Variants in CEP63 observed in about 807,000 individuals in gnomAD.
CEP63 encodes centrosomal protein 63.
A neutral mutation model predicts 89.1 loss-of-function variants in CEP63; 84 were observed. The ratio of observed to expected loss-of-function variants is 0.94; its 90% CI spans 0.79 to 1.13. The LOEUF is 1.13. Among genes scored for constraint, CEP63 ranks in the 50% most tolerant of loss-of-function variants. The pLI, the probability that CEP63 is intolerant of heterozygous loss-of-function variation, is 0.00. For synonymous variants in CEP63, 267 were observed against 272.5 expected (o/e 0.98, Z 0.20); for missense variants, 838 against 813.3 (o/e 1.03, Z -0.37).
chr3:134,516,618 A>G (rs891968266), intron 3 of CEP63, among the ~76,000 whole-genome samples: 1 of 152,206 alleles, frequency 6.6e-6, no homozygotes, highest in African/African-American at 2.4e-5. Context: ...GTCCCTGGGT[A>G]CTTGAGATTA....
chr3:134,629,648 G>C, the CEP63 span: 1 of 1,601,988 alleles, frequency 6.2e-7, no homozygotes, highest in Non-Finnish European at 8.5e-7. Context: ...TTCTTGAGCA[G>C]CTGGGGCATG....
At chr3:134,643,915 C>T in the CEP63 span, among the ~76,000 whole-genome samples, 1 of 151,980 alleles carries the variant, frequency 6.6e-6, no homozygotes, top group Admixed American at 6.6e-5. Context: ...CAAGCTCCGC[C>T]TCCTGGGTTC....
chr3:134,709,654 T>C, the CEP63 span, among the ~76,000 whole-genome samples: 11 of 152,342 alleles, frequency 7.2e-5, no homozygotes, highest in African/African-American at 2.4e-4. Context: ...ACTTGTGCAG[T>C]GCAGCACTTG....
the CEP63 span, among the ~76,000 whole-genome samples, chr3:134,718,650 A>G: frequency 0.072 from 10,993 of 152,218 alleles, 718 homozygotes; most frequent in African/African-American, 0.18. Flanking sequence ...TAAACTCACC[A>G]ATCATTAGAT....
intron 2 of CEP63, among the ~76,000 whole-genome samples, chr3:134,496,732 T>C (rs1940194839): frequency 6.6e-6 from 1 of 152,256 alleles, no homozygotes; most frequent in Non-Finnish European, 1.5e-5. Context: ...ATCGGGTCCC[T>C]GTGGGCATGA....
At chr3:134,601,310 C>G in the CEP63 span, among the ~76,000 whole-genome samples, 2 of 152,122 alleles carry the variant, frequency 1.3e-5, no homozygotes, top group African/African-American at 2.4e-5. Context: ...GGGCCTCCCT[C>G]TCTGGTGCTG....
intron 2 of CEP63, 25 bp downstream of exon 2, chr3:134,495,389 A>AT (rs1939450491): frequency 4.0e-6 from 6 of 1,511,598 alleles, no homozygotes; most frequent in Admixed American, 1.7e-5. Context: ...TTTAAAATTA[A>AT]TTTTTTTGGT....
At chr3:134,755,717 C>A in the CEP63 span, 1 of 152,186 alleles carries the variant, frequency 6.6e-6, no homozygotes, top group Non-Finnish European at 1.5e-5. Flanking sequence ...AAGTCCCCTG[C>A]GTAGCCTGGA....
chr3:134,690,895 C>T, the CEP63 span, among the ~76,000 whole-genome samples: 1 of 151,924 alleles, frequency 6.6e-6, no homozygotes, highest in Non-Finnish European at 1.5e-5. Flanking sequence ...ATTACAGGCT[C>T]CCGCCACCAT....
downstream of CEP63, among the ~76,000 whole-genome samples, chr3:134,569,530 C>T (rs1560071722): frequency 6.6e-6 from 1 of 152,232 alleles, no homozygotes; most frequent in Non-Finnish European, 1.5e-5. Flanking sequence ...TGTCTCACAT[C>T]CAGGTCACGC....
At chr3:134,673,407 T>G in the CEP63 span, among the ~76,000 whole-genome samples, 1 of 151,816 alleles carries the variant, frequency 6.6e-6, no homozygotes, top group South Asian at 2.1e-4. Context: ...CCTTTTGGCC[T>G]CTCTTCCTTC....
At chr3:134,692,806 C>T in the CEP63 span, among the ~76,000 whole-genome samples, 1 of 152,314 alleles carries the variant, frequency 6.6e-6, no homozygotes, top group Admixed American at 6.5e-5. Flanking sequence ...ACTGACAGTC[C>T]TATGTCCTTA....
the CEP63 span, among the ~76,000 whole-genome samples, chr3:134,713,257 C>G: frequency 6.6e-6 from 1 of 152,120 alleles, no homozygotes; most frequent in Non-Finnish European, 1.5e-5. Context: ...ACTATGGAAC[C>G]CAGGGGGACA....
At chr3:134,522,906 T>G (rs925377878) in intron 3 of CEP63, among the ~76,000 whole-genome samples, 1 of 152,174 alleles carries the variant, frequency 6.6e-6, no homozygotes, top group Non-Finnish European at 1.5e-5. Context: ...TACATTTTTT[T>G]GGGTATATAC....
the CEP63 span, among the ~76,000 whole-genome samples, chr3:134,614,769 T>C: frequency 6.6e-6 from 1 of 152,200 alleles, no homozygotes; most frequent in Non-Finnish European, 1.5e-5. Flanking sequence ...CCATAGGAAC[T>C]GTATGATGCT....
chr3:134,604,165 G>A, the CEP63 span: 2 of 1,609,290 alleles, frequency 1.2e-6, no homozygotes, highest in Non-Finnish European at 1.7e-6. Context: ...GTCAGGGTGG[G>A]AGGGCTTCAT....
At chr3:134,603,599 A>G in the CEP63 span, 1 of 1,587,378 alleles carries the variant, frequency 6.3e-7, no homozygotes, top group Non-Finnish European at 8.6e-7. Flanking sequence ...TTCACTTTGT[A>G]TTTCAGGATG....
chr3:134,773,907 G>A, the CEP63 span, among the ~76,000 whole-genome samples: 2 of 152,150 alleles, frequency 1.3e-5, no homozygotes, highest in African/African-American at 4.8e-5. Flanking sequence ...TTTATGGGGA[G>A]GGTCTGTCTC....
At chr3:134,550,340 A>G in intron 11 of CEP63, 80 bp downstream of exon 11, 2 of 1,347,454 alleles carry the variant, frequency 1.5e-6, no homozygotes, top group Non-Finnish European at 2.1e-6. Context: ...TTTTCATAAT[A>G]TTTAATTCAG....
Sources: gnomAD v4.1 joint callset for allele counts (sites outside exome capture counted in the v4.1 genomes callset) on GRCh38, gnomAD v4.1.1 for gene constraint, MANE v1.5 for transcripts, NCBI Gene and HGNC (gene_info 2026-07-23, HGNC 2026-07-21) for gene names.